ZPLD1: variants seen among roughly 807,000 people sequenced by gnomAD.
ZPLD1 encodes zona pellucida-like domain-containing protein 1.
A neutral mutation model predicts 47.2 loss-of-function variants in ZPLD1; 34 were observed. The observed-to-expected ratio is 0.72, with a 90% CI of 0.55 to 0.96. ZPLD1 has a LOEUF of 0.96. Ranked by LOEUF, ZPLD1 falls within the 40% of genes least tolerant of loss-of-function variation. The pLI is 0.00. For synonymous variants in ZPLD1, 176 were observed against 186.2 expected, an observed-to-expected ratio of 0.95 and a Z score of 0.45; for missense variants, 512 against 505.8, an observed-to-expected ratio of 1.01 and a Z score of -0.12.
intron 6 of ZPLD1, among the ~76,000 whole-genome samples, chr3:102,389,344 T>G (rs1706470652): frequency 6.6e-6 from 1 of 152,230 alleles, no homozygotes; most frequent in Non-Finnish European, 1.5e-5. Context: ...AACTCTAAAA[T>G]GAATTCATTA....
intron 8 of ZPLD1, among the ~76,000 whole-genome samples, chr3:102,464,533 G>C (rs761771036): frequency 4.6e-5 from 7 of 152,270 alleles, no homozygotes; most frequent in Non-Finnish European, 7.4e-5. Context: ...ATATTTCACT[G>C]TCTTAGGAAA....
At chr3:102,455,395 C>G (rs1228383954) in intron 4 of ZPLD1, among the ~76,000 whole-genome samples, 1 of 152,182 alleles carries the variant, frequency 6.6e-6, no homozygotes, top group Non-Finnish European at 1.5e-5. Flanking sequence ...AGAAAATACA[C>G]ATGGACAACA....
At chr3:102,471,368 T>C (rs2107356681) in intron 10 of ZPLD1, among the ~76,000 whole-genome samples, 1 of 152,354 alleles carries the variant, frequency 6.6e-6, no homozygotes, top group Middle Eastern at 3.4e-3. Context: ...AAATAGCCTA[T>C]TAAACACTCC....
At chr3:102,414,432 G>A (rs886920738) in intron 7 of ZPLD1, among the ~76,000 whole-genome samples, 2 of 151,718 alleles carry the variant, frequency 1.3e-5, no homozygotes, top group African/African-American at 4.8e-5. Context: ...GTATTGGTGA[G>A]CTGATACAGT....
intron 3 of ZPLD1, among the ~76,000 whole-genome samples, chr3:102,440,291 G>A (rs1366626531): frequency 6.6e-6 from 1 of 152,182 alleles, no homozygotes; most frequent in South Asian, 2.1e-4. Flanking sequence ...ACTAGAGGCA[G>A]AGAGAAATAT....
chr3:102,390,725 G>A (rs1706485752), intron 6 of ZPLD1, among the ~76,000 whole-genome samples: 1 of 152,162 alleles, frequency 6.6e-6, no homozygotes. Context: ...TTGCTGAGAT[G>A]AGCAGTGGTG....
chr3:102,404,326 G>A lies in ZPLD1; in HGVS notation c.-157+12101G>A, dbSNP rs533972866. On this transcript the variant is annotated intron_variant, in intron 7 of 17. Coordinates refer to the ZPLD1 transcript ENST00000491959. The stretch of plus-strand genomic sequence containing the variant: ...AGGGTAAACACAACAAGAAAATGAG[G>A]TATTTACCACTAAGTTGTCCCGCTG... Among the ~76,000 whole-genome samples the A allele has an allele frequency of 3.3e-5, 5 of 151,962 alleles. No individual in the cohort carries two copies. In the South Asian group the frequency reaches 6.2e-4, roughly 19 times the overall value.
At chr3:102,408,306 T>G (rs541699347) in intron 7 of ZPLD1, among the ~76,000 whole-genome samples, 2 of 151,954 alleles carry the variant, frequency 1.3e-5, no homozygotes, top group Non-Finnish European at 2.9e-5. Context: ...GTTTGCTCCA[T>G]TTCTCAGGAA....
At chr3:102,457,502 A>C (rs1265216389) in intron 5 of ZPLD1, among the ~76,000 whole-genome samples, 1 of 152,248 alleles carries the variant, frequency 6.6e-6, no homozygotes, top group Admixed American at 6.5e-5. Flanking sequence ...ATTAGATTCA[A>C]GCCCTTATCT....
intron 6 of ZPLD1, among the ~76,000 whole-genome samples, chr3:102,461,929 A>G (rs1293883749): frequency 6.6e-5 from 10 of 152,092 alleles, no homozygotes; most frequent in Admixed American, 4.6e-4. Flanking sequence ...TAATATAATC[A>G]AATAAATGGA....
chr3:102,429,626 G>A (rs1387279270), intron 8 of ZPLD1, among the ~76,000 whole-genome samples: 1 of 152,104 alleles, frequency 6.6e-6, no homozygotes, highest in African/African-American at 2.4e-5. Context: ...TGAATTAATT[G>A]TAACTTTCTT....
chr3:102,435,344 TA>T (rs528897781), intron 1 of ZPLD1, among the ~76,000 whole-genome samples, 190 bp downstream of exon 1: 2 of 152,330 alleles, frequency 1.3e-5, no homozygotes, highest in African/African-American at 4.8e-5. Flanking sequence ...GCCTTAATAT[TA>T]AAACACAGAT....
chr3:102,433,312 G>A (rs144702221), upstream of ZPLD1, among the ~76,000 whole-genome samples: 252 of 152,288 alleles, frequency 1.7e-3, 1 homozygote, highest in Admixed American at 3.0e-3. Flanking sequence ...TGCTCCGGGC[G>A]TGAATCCTGA....
At chr3:102,385,656 A>C (rs1706416873) in intron 6 of ZPLD1, among the ~76,000 whole-genome samples, 1 of 152,236 alleles carries the variant, frequency 6.6e-6, no homozygotes, top group Non-Finnish European at 1.5e-5. Context: ...ATAATGTAAT[A>C]TTCTGAACCT....
At chr3:102,454,340 G>A (rs940314591) in intron 4 of ZPLD1, among the ~76,000 whole-genome samples, 2 of 152,084 alleles carry the variant, frequency 1.3e-5, no homozygotes, top group Non-Finnish European at 2.9e-5. Flanking sequence ...GAGTGATGCA[G>A]GTTGATTATT....
chr3:102,408,355 T>G (rs956193479), intron 7 of ZPLD1, among the ~76,000 whole-genome samples: 3 of 151,880 alleles, frequency 2.0e-5, no homozygotes, highest in African/African-American at 7.2e-5. Context: ...TAGTTGCCAT[T>G]TACACTTATT....
chr3:102,456,433 A>G (rs893603477), intron 5 of ZPLD1, 59 bp downstream of exon 5: 47 of 1,447,438 alleles, frequency 3.2e-5, no homozygotes, highest in Non-Finnish European at 4.2e-5. Context: ...GGCATTTCGT[A>G]TCTTTCAGGG....
At chr3:102,385,607 T>G (rs1706416447) in intron 6 of ZPLD1, among the ~76,000 whole-genome samples, 1 of 152,236 alleles carries the variant, frequency 6.6e-6, no homozygotes, top group South Asian at 2.1e-4. Flanking sequence ...ATTTAAATAC[T>G]TGTGTATACA....
intron 2 of ZPLD1, 60 bp from the exon 3 acceptor site, chr3:102,438,420 A>G (rs1023188515): frequency 2.4e-6 from 3 of 1,235,404 alleles, no homozygotes; most frequent in Admixed American, 1.8e-5. Context: ...CAGTTTTTCC[A>G]GTAAGTAGGA....
Sources: gnomAD v4.1 joint callset for allele counts (sites outside exome capture counted in the v4.1 genomes callset) on GRCh38, gnomAD v4.1.1 for gene constraint, MANE v1.5 for transcripts, NCBI Gene and HGNC (gene_info 2026-07-23, HGNC 2026-07-21) for gene names.